The following SRGAP3 variants were observed in gnomAD, a reference collection of about 807,000 sequenced individuals.
The protein encoded by SRGAP3 is SLIT-ROBO Rho GTPase-activating protein 3.
Under a neutral mutation model 121.1 loss-of-function variants are expected in SRGAP3, and 39 were observed. That is an observed-to-expected ratio of 0.32 (90% confidence interval 0.25 to 0.42). The LOEUF is 0.42. Among genes scored for constraint, SRGAP3 ranks in the 10% least tolerant of loss-of-function variants. SRGAP3 has a pLI of 1.00. For missense variants in SRGAP3, 1,213 were observed against 1,470.6 expected (o/e 0.82, Z 2.86); for synonymous variants, 601 against 570.0 (o/e 1.05, Z -0.77).
At chr3:9,186,673 C>T (rs1438565780) in intron 1 of SRGAP3, among the ~76,000 whole-genome samples, 1 of 152,136 alleles carries the variant, frequency 6.6e-6, no homozygotes, top group Non-Finnish European at 1.5e-5. Context: ...AGGTCAACTC[C>T]CGCCCTCCCC....
chr3:9,317,130 G>T (rs932603298), intron 3 of SRGAP3, among the ~76,000 whole-genome samples: 2 of 152,192 alleles, frequency 1.3e-5, no homozygotes, highest in Non-Finnish European at 2.9e-5. Context: ...GCGTTCTTCC[G>T]AGAGCCTGGG....
chr3:9,230,110 T>C (rs1485865242), intron 1 of SRGAP3, among the ~76,000 whole-genome samples: 1 of 152,230 alleles, frequency 6.6e-6, no homozygotes, highest in African/African-American at 2.4e-5. Flanking sequence ...GATTTATTAA[T>C]AACAATCGGT....
At chr3:9,192,691 C>T (rs188537318) in intron 1 of SRGAP3, 240 of 152,272 alleles carry the variant, frequency 1.6e-3, no homozygotes, top group African/African-American at 5.6e-3. Flanking sequence ...ATCAGCTTTT[C>T]TAATTTTTGT....
chr3:9,238,379 T>C (rs1007297158), intron 1 of SRGAP3, among the ~76,000 whole-genome samples: 5 of 152,132 alleles, frequency 3.3e-5, no homozygotes, highest in African/African-American at 1.2e-4. Flanking sequence ...AAAGAGTCAA[T>C]TCTTGGCATT....
At chr3:8,987,526 C>A (rs1291234493) in intron 21 of SRGAP3, among the ~76,000 whole-genome samples, 1 of 152,204 alleles carries the variant, frequency 6.6e-6, no homozygotes, top group Non-Finnish European at 1.5e-5. Context: ...TACATTCTCT[C>A]CCTCCCCTGT....
At chr3:9,307,817 G>A (rs990205054) in intron 3 of SRGAP3, among the ~76,000 whole-genome samples, 1 of 152,218 alleles carries the variant, frequency 6.6e-6, no homozygotes, top group African/African-American at 2.4e-5. Flanking sequence ...ATCCATAAAT[G>A]TGGGATTGAA....
Position 8,985,567 on chromosome 3 carries a change from G to A in SRGAP3, c.3252C>T (p.Thr1084=), listed in dbSNP as rs1280299599. The change falls in exon 22 of 22, where the codon ACC becomes ACT. Residue 1084 remains threonine, a synonymous_variant. Coordinates refer to ENST00000383836, the MANE Select transcript of SRGAP3 (RefSeq NM_014850.4). The surrounding 1 kb of genome is among the most constrained non-coding windows in gnomAD (Gnocchi z 5.1). ...CTGAGCTGTTGGGGAACATCTTCTC[G>A]GTGGGCGTCACGGCCGGGCTGCCCA... is the stretch of plus-strand genomic sequence containing the variant. The part of the protein sequence containing the change: ...SGVGSPAVTP[T]EKMFPNSSAD... The A allele has an allele frequency of 2.4e-5, 39 of 1,598,550 alleles. No homozygotes were observed. Among genetic ancestry groups the A allele is most frequent in the South Asian group, 3.3e-5 (3 of 91,032 alleles).
At chr3:9,192,937 G>A (rs1951802908) in intron 1 of SRGAP3, 1 of 155,160 alleles carries the variant, frequency 6.4e-6, no homozygotes, top group African/African-American at 2.4e-5. Context: ...GGGGAGCTGA[G>A]GGAGGAGAGC....
At chr3:9,198,080 G>A (rs1482983628) in intron 1 of SRGAP3, among the ~76,000 whole-genome samples, 1 of 152,334 alleles carries the variant, frequency 6.6e-6, no homozygotes, top group East Asian at 1.9e-4. Flanking sequence ...TTATCATACA[G>A]GGCACAGGCC....
chr3:9,362,148 A>C (rs112143396), intron 1 of SRGAP3, among the ~76,000 whole-genome samples: 20 of 142,512 alleles, frequency 1.4e-4, no homozygotes, highest in African/African-American at 4.9e-4. Context: ...AATGGCTACC[A>C]TGCAGGTTCA....
chr3:9,115,436 C>A (rs1560182224), intron 2 of SRGAP3, among the ~76,000 whole-genome samples: 1 of 152,104 alleles, frequency 6.6e-6, no homozygotes, highest in Non-Finnish European at 1.5e-5. Context: ...ATATGCATAT[C>A]AAAGTATATG....
In SRGAP3 at chr3:9,013,894, C is replaced by G. The variant is rs57962482; in HGVS notation, c.1814-52G>C. The G allele has an allele frequency of 9.5e-4, 1,485 of 1,563,900 alleles. 18 individuals carry two copies. The African/African-American group carries it at 0.018, about 19-fold the overall frequency. ...TGCCTTTCATCCTCAGAGAGCAAAGCAACAAACATTCGCTCGCCACATCTC... is the reference window on the plus strand; with the variant it reads ...TGCCTTTCATCCTCAGAGAGCAAAGGAACAAACATTCGCTCGCCACATCTC... On this transcript the variant is annotated intron_variant, in intron 15 of 21. Coordinates refer to ENST00000383836, the MANE Select transcript of SRGAP3 (RefSeq NM_014850.4).
chr3:9,323,250 GTGA>G (rs1334156525), intron 3 of SRGAP3, among the ~76,000 whole-genome samples: 1 of 151,930 alleles, frequency 6.6e-6, no homozygotes, highest in Middle Eastern at 3.4e-3. Context: ...CTTGACTGTG[GTGA>G]TGATTACATG....
intron 21 of SRGAP3, among the ~76,000 whole-genome samples, chr3:8,988,061 A>C (rs1040724876): frequency 2.6e-5 from 4 of 151,092 alleles, no homozygotes; most frequent in Middle Eastern, 3.4e-3. Context: ...GAAAGACAGG[A>C]AGTTCAGAGA....
At chr3:9,000,159 T>C (rs1207766388) in intron 18 of SRGAP3, among the ~76,000 whole-genome samples, 3 of 152,184 alleles carry the variant, frequency 2.0e-5, no homozygotes, top group Non-Finnish European at 4.4e-5. Context: ...AGCTCAGTGA[T>C]TCTCATCCTG....
At chr3:9,195,800 A>T (rs959306668) in intron 1 of SRGAP3, among the ~76,000 whole-genome samples, 1 of 151,906 alleles carries the variant, frequency 6.6e-6, no homozygotes, top group Non-Finnish European at 1.5e-5. Context: ...TACAAAAAAT[A>T]AAAAAATTAG....
chr3:9,284,113 G>A lies in SRGAP3; in HGVS notation n.442+41897C>T, dbSNP rs767758008. Among the ~76,000 whole-genome samples, 100 of 150,142 alleles carry A rather than the reference G, an allele frequency of 6.7e-4. 1 individual carries two copies. Among genetic ancestry groups the A allele is most frequent in the Non-Finnish European group, 2.2e-4 (15 of 67,500 alleles). On this transcript the variant is annotated intron_variant and non_coding_transcript_variant, in intron 3 of 3. Transcript: ENST00000490889. ...AGTTGTATGTCACTCATTCTCCCGA[G>A]TTAAAAAAAAATGGTGTTTAATAAA...
chr3:9,167,322 C>G (rs927210641), intron 1 of SRGAP3, among the ~76,000 whole-genome samples: 1 of 152,184 alleles, frequency 6.6e-6, no homozygotes, highest in African/African-American at 2.4e-5. Flanking sequence ...GCTGGTTTCC[C>G]CTCACTGCCT....
chr3:9,071,147 T>TGAAC (rs1027785182), intron 4 of SRGAP3, among the ~76,000 whole-genome samples: 1 of 152,100 alleles, frequency 6.6e-6, no homozygotes, highest in Non-Finnish European at 1.5e-5. Context: ...ATGTCAGGTA[T>TGAAC]GAACATCAGG....
Sources: gnomAD v4.1 joint callset for allele counts (sites outside exome capture counted in the v4.1 genomes callset) on GRCh38, gnomAD v4.1.1 for gene constraint, Gnocchi (gnomAD v3.1) non-coding constraint, MANE v1.5 for transcripts, NCBI Gene and HGNC (gene_info 2026-07-23, HGNC 2026-07-21) for gene names.